SMS: variants seen among roughly 807,000 people sequenced by gnomAD.
The protein encoded by SMS is spermine synthase.
A neutral mutation model predicts 33.0 loss-of-function variants in SMS; 3 were observed. That is an observed-to-expected ratio of 0.09 (90% CI 0.04 to 0.23). The LOEUF (loss-of-function observed/expected upper bound fraction) is 0.23, where lower values mean the gene tolerates loss of function less well. SMS is among the 10% of genes least tolerant of loss of function. The pLI, the probability that SMS is intolerant of heterozygous loss-of-function variation, is 1.00. For missense variants in SMS, 117 were observed against 288.6 expected (o/e 0.41, Z 4.31); for synonymous variants, 103 against 112.2 (o/e 0.92, Z 0.52).
intron 1 of SMS, among the ~76,000 whole-genome samples, chrX:21,942,401 C>T (rs375002627): frequency 9.1e-6 from 1 of 110,064 alleles, no homozygotes; most frequent in East Asian, 2.8e-4. Flanking sequence ...CTGAGCCTTC[C>T]CTGTCCATTA....
Position 21,978,114 on chromosome X carries a change from G to A in SMS, c.660G>A (p.Glu220=), listed in dbSNP as rs758814754. ...AACCAAAGATGGTCACTATGGTAGA[G>A]ATATCCTTTGTTGTATAAGAGAACA... ...KLKPKMVTMV[E]IDQMVIDGCK... is the part of the protein sequence containing the mutation. The change falls in exon 6 of 11, where the codon GAG becomes GAA. Residue 220 remains glutamate, a splice_region_variant and synonymous_variant. Transcript: ENST00000404933. The A allele has an allele frequency of 1.3e-5, 16 of 1,204,951 alleles. No homozygotes were observed. In the African/African-American group the frequency reaches 2.6e-4, roughly 20 times the overall value.
At chrX:21,960,988 T>C (rs1000344283) in intron 1 of SMS, among the ~76,000 whole-genome samples, 6 of 109,451 alleles carry the variant, frequency 5.5e-5, no homozygotes, top group Non-Finnish European at 7.6e-5. Flanking sequence ...GAGGAGGATG[T>C]TAGATTCTCA....
intron 4 of SMS, among the ~76,000 whole-genome samples, chrX:21,976,569 G>A (rs185538553): frequency 3.4e-5 from 3 of 87,213 alleles, no homozygotes; most frequent in Non-Finnish European, 6.4e-5. Flanking sequence ...AAAATTATAC[G>A]TTACATGAGG....
At chrX:21,958,770 G>A (rs984925218) in intron 1 of SMS, among the ~76,000 whole-genome samples, 4 of 112,640 alleles carry the variant, frequency 3.6e-5, no homozygotes, top group African/African-American at 9.7e-5. Flanking sequence ...TCCGCCTCTC[G>A]GGTTCAAGCG....
At chrX:21,963,239 G>A (rs1027531544) in intron 1 of SMS, among the ~76,000 whole-genome samples, 13 of 111,317 alleles carry the variant, frequency 1.2e-4, no homozygotes, top group African/African-American at 3.6e-4. Context: ...CAAGGGCTGG[G>A]TGACAGGGAG....
In SMS at chrX:21,967,610, C is replaced by T. The variant is rs775189855; in HGVS notation, c.170+294C>T. On this transcript the variant is annotated intron_variant, in intron 2 of 10. Coordinates refer to ENST00000404933, the MANE Select transcript of SMS (RefSeq NM_004595.5). ...CCAGAGTGGGCATAAGGGAGGCAGC[C>T]CAGGAAAAGTTTTGTGGCTTACTCC... Among the ~76,000 whole-genome samples, 3 of 111,428 alleles carry T rather than the reference C, an allele frequency of 2.7e-5. No homozygotes were observed. The East Asian group carries it at 8.5e-4, about 31-fold the overall frequency.
chrX:21,947,084 A>T (rs1308715526), intron 1 of SMS, among the ~76,000 whole-genome samples: 1 of 111,994 alleles, frequency 8.9e-6, no homozygotes, highest in African/African-American at 3.2e-5. Context: ...TGGTGGAAGC[A>T]TGTCTTCTTT....
At chrX:21,993,002 C>A (rs757448994) in intron 10 of SMS, among the ~76,000 whole-genome samples, 9 of 111,587 alleles carry the variant, frequency 8.1e-5, no homozygotes, top group Non-Finnish European at 9.4e-5. Flanking sequence ...AAAGGTGTTG[C>A]CAGACCTGCA....
At chrX:21,955,726 G>A (rs1216308047) in intron 1 of SMS, among the ~76,000 whole-genome samples, 1 of 111,550 alleles carries the variant, frequency 9.0e-6, no homozygotes, top group African/African-American at 3.3e-5. Flanking sequence ...TGGTCCTTAA[G>A]CTGACGGGGC....
chrX:21,966,943 C>T (rs371148241), intron 1 of SMS, among the ~76,000 whole-genome samples: 144 of 111,074 alleles, frequency 1.3e-3, no homozygotes, highest in Non-Finnish European at 2.3e-3. Flanking sequence ...GTGTTCTTAC[C>T]GTCGTGTAAT....
intron 1 of SMS, among the ~76,000 whole-genome samples, chrX:21,954,507 G>A (rs1028494128): frequency 3.6e-5 from 4 of 111,873 alleles, no homozygotes; most frequent in African/African-American, 6.5e-5. Context: ...CATAGTGCAC[G>A]GCCATCTCTG....
At chrX:21,968,987 A>G (rs6629445) in intron 2 of SMS, among the ~76,000 whole-genome samples, 33,299 of 110,479 alleles carry the variant, frequency 0.3, 3,712 homozygotes, top group Admixed American at 0.4. Flanking sequence ...TTATTCTGTT[A>G]CCTCAGTGGG....
At chrX:21,966,117 G>T (rs16981696) in intron 1 of SMS, among the ~76,000 whole-genome samples, 12,621 of 111,826 alleles carry the variant, frequency 0.11, 968 homozygotes, top group African/African-American at 0.28. Context: ...TAACTTCCCA[G>T]TTCTAGTTTC....
chrX:21,970,987 A>G (rs1323962565), intron 2 of SMS, among the ~76,000 whole-genome samples: 1 of 110,109 alleles, frequency 9.1e-6, no homozygotes, highest in Non-Finnish European at 1.9e-5. Flanking sequence ...ACCTGAGGTC[A>G]GGAGTTCAAG....
intron 9 of SMS, among the ~76,000 whole-genome samples, chrX:21,988,187 G>A (rs759660646): frequency 5.3e-5 from 6 of 112,374 alleles, no homozygotes; most frequent in Non-Finnish European, 9.4e-5. Context: ...TAAGATTTAT[G>A]TGGACCGGCA....
At chrX:21,992,107 T>A (rs1202166447) in intron 9 of SMS, among the ~76,000 whole-genome samples, 2 of 112,439 alleles carry the variant, frequency 1.8e-5, no homozygotes, top group Non-Finnish European at 3.8e-5. Context: ...TTTGTTCTCT[T>A]ATACACAGAT....
intron 1 of SMS, among the ~76,000 whole-genome samples, chrX:21,951,190 G>GT (rs1284929116): frequency 1.5e-4 from 17 of 112,555 alleles, no homozygotes; most frequent in Non-Finnish European, 1.5e-4. Context: ...TTTCTCTAAT[G>GT]ACCAGTGATG....
chrX:21,982,177 TA>T (rs1454269495), intron 7 of SMS, among the ~76,000 whole-genome samples: 11 of 106,512 alleles, frequency 1.0e-4, no homozygotes, highest in Non-Finnish European at 2.1e-4. Context: ...ACTAAAAAAA[TA>T]CAAAAAAAAA....
In SMS at chrX:21,994,722, G is replaced by A. The variant is rs1352566325; in HGVS notation, c.*371G>A. ...GTGAACATCGTTGTTTTGCTGGAGG[G>A]AAGATCTTGATGGTGTTTCTTTCCC... On this transcript the variant is annotated 3_prime_UTR_variant, in exon 11 of 11. Transcript: ENST00000404933. The A allele has an allele frequency of 1.2e-5, 9 of 778,800 alleles. No individual in the cohort carries two copies. The highest frequency in any genetic ancestry group is 2.3e-5 in the African/African-American group (1 of 43,739). 64.2% of individuals were successfully genotyped at this position (778,800 alleles called of 1,213,427 possible). A position where few individuals can be genotyped will look rare whatever the true frequency, so the allele number is the denominator to read the frequency against.
Sources: gnomAD v4.1 joint callset for allele counts (sites outside exome capture counted in the v4.1 genomes callset) on GRCh38, gnomAD v4.1.1 for gene constraint, MANE v1.5 for transcripts, NCBI Gene and HGNC (gene_info 2026-07-23, HGNC 2026-07-21) for gene names.